The following NRBF2 variants were observed in gnomAD, a reference collection of about 807,000 sequenced individuals.
NRBF2 encodes the protein nuclear receptor binding factor 2.
A neutral mutation model predicts 28.5 loss-of-function variants in NRBF2; 12 were observed. The observed-to-expected ratio is 0.42, with a 90% CI of 0.27 to 0.68. The LOEUF (loss-of-function observed/expected upper bound fraction) is 0.68, where lower values mean the gene tolerates loss of function less well. Among genes scored for constraint, NRBF2 ranks in the 30% least tolerant of loss-of-function variants. The pLI is 0.24. For synonymous variants in NRBF2, 102 were observed against 116.5 expected (o/e 0.88, Z 0.80); for missense variants, 274 against 333.5 (o/e 0.82, Z 1.39).
At chr10:63,140,902 T>C (rs1323664337) in intron 1 of NRBF2, among the ~76,000 whole-genome samples, 1 of 152,068 alleles carries the variant, frequency 6.6e-6, no homozygotes, top group Non-Finnish European at 1.5e-5. Flanking sequence ...AGTTTCACTA[T>C]GTTGGCCAGG....
chr10:63,141,427 C>A (rs1302569624), intron 1 of NRBF2, among the ~76,000 whole-genome samples: 1 of 152,168 alleles, frequency 6.6e-6, no homozygotes, highest in Non-Finnish European at 1.5e-5. Context: ...CAGAGCAAAA[C>A]CCTGTCTCAA....
chr10:63,148,985 T>G (rs1004187028), intron 2 of NRBF2, among the ~76,000 whole-genome samples: 2 of 152,244 alleles, frequency 1.3e-5, no homozygotes, highest in Admixed American at 1.3e-4. Context: ...AAAACAAATC[T>G]TAACCTAAGC....
intron 1 of NRBF2, among the ~76,000 whole-genome samples, chr10:63,140,921 A>T (rs1298709170): frequency 6.6e-6 from 1 of 151,804 alleles, no homozygotes; most frequent in African/African-American, 2.4e-5. Context: ...GGCTGGTCTC[A>T]AACTCCTGAC....
intron 2 of NRBF2, among the ~76,000 whole-genome samples, chr10:63,150,864 T>A (rs1841637499): frequency 6.6e-6 from 1 of 152,144 alleles, no homozygotes; most frequent in Admixed American, 6.5e-5. Context: ...GCAACCTAGA[T>A]CCCTTGCTTG....
chr10:63,146,104 G>A, intron 1 of NRBF2, 105 bp from the exon 2 acceptor site: 2 of 833,430 alleles, frequency 2.4e-6, no homozygotes, highest in Middle Eastern at 3.4e-4. Context: ...TTTGATATGT[G>A]GCAACAAAAC....
chr10:63,140,348 G>A (rs1424430398), intron 1 of NRBF2, among the ~76,000 whole-genome samples: 1 of 152,198 alleles, frequency 6.6e-6, no homozygotes, highest in Non-Finnish European at 1.5e-5. Context: ...GATTGCCTAG[G>A]AAGTACACAG....
chr10:63,153,512 C>T lies in NRBF2; in HGVS notation c.158C>T (p.Ala53Val), dbSNP rs1433660879. ...TTTATCTTTCCTTCTATGTAATAGG[C>T]TCATCTTTCACTGGAATTGCAAAGG... Reference protein sequence around the residue: ...EAMKLTQSEQAHLSLELQRDS... With the variant: ...EAMKLTQSEQVHLSLELQRDS... The change falls in exon 4 of 4, where the codon GCT (alanine) becomes GTT (valine). Residue 53 changes from alanine to valine, a missense_variant and splice_region_variant. Ala to Val is a moderately conservative substitution (Grantham distance 64). Transcript: ENST00000277746. 18 of 1,601,072 alleles carry T rather than the reference C, an allele frequency of 1.1e-5. No homozygotes were observed. Among genetic ancestry groups the T allele is most frequent in the Non-Finnish European group, 1.5e-5 (18 of 1,173,816 alleles).
chr10:63,145,300 T>A (rs1841541711), intron 1 of NRBF2, among the ~76,000 whole-genome samples: 1 of 152,028 alleles, frequency 6.6e-6, no homozygotes, highest in African/African-American at 2.4e-5. Flanking sequence ...GGTCTCGATC[T>A]CCTGACCTCA....
chr10:63,145,427 T>G (rs2132687864), intron 1 of NRBF2, among the ~76,000 whole-genome samples: 1 of 152,344 alleles, frequency 6.6e-6, no homozygotes, highest in Non-Finnish European at 1.5e-5. Context: ...CAGGCTGGTC[T>G]TGAACTCCTG....
intron 2 of NRBF2, chr10:63,150,338 T>G (rs1841629206): frequency 1.0e-6 from 1 of 976,298 alleles, no homozygotes; most frequent in African/African-American, 1.8e-5. Context: ...ACAAGGGTTG[T>G]GGGAAGGATG....
In NRBF2 at chr10:63,135,847, A is replaced by C. The variant is rs1441859486; in HGVS notation, c.30+2347A>C. Among the ~76,000 whole-genome samples the C allele has an allele frequency of 1.1e-4, 16 of 152,190 alleles. No individual in the cohort carries two copies. In the East Asian group the frequency reaches 2.5e-3, roughly 24 times the overall value. ...TTTTTAGTAGAGACGGGGTTTCACC[A>C]TGTTGGCCAGGATGGTCTCGATCTC... On this transcript the variant is annotated intron_variant, in intron 1 of 3. Coordinates refer to ENST00000277746, the MANE Select transcript of NRBF2 (RefSeq NM_030759.5).
chr10:63,134,865 G>C (rs897819447), intron 1 of NRBF2, among the ~76,000 whole-genome samples: 1 of 152,244 alleles, frequency 6.6e-6, no homozygotes, highest in African/African-American at 2.4e-5. Context: ...CACTTAAGAC[G>C]AATTGGACTA....
chr10:63,153,509 A>G lies in NRBF2; in HGVS notation c.157-2A>G. The G allele has an allele frequency of 6.3e-7, 1 of 1,598,764 alleles. No homozygotes were observed. The highest frequency in any genetic ancestry group is 8.5e-7 in the Non-Finnish European group (1 of 1,172,112). Reference sequence around the variant, plus strand: ...AATTTTATCTTTCCTTCTATGTAATAGGCTCATCTTTCACTGGAATTGCAA... The same window carrying G: ...AATTTTATCTTTCCTTCTATGTAATGGGCTCATCTTTCACTGGAATTGCAA... On this transcript the variant is annotated splice_acceptor_variant, in intron 3 of 3. Coordinates refer to ENST00000277746, the MANE Select transcript of NRBF2 (RefSeq NM_030759.5). LOFTEE classifies it high-confidence loss of function.
At chr10:63,137,899 G>T (rs1841398958) in intron 1 of NRBF2, among the ~76,000 whole-genome samples, 1 of 152,102 alleles carries the variant, frequency 6.6e-6, no homozygotes. Context: ...AGCAATTATT[G>T]CTAAGTGGTA....
At chr10:63,140,487 G>A (rs1018945091) in intron 1 of NRBF2, among the ~76,000 whole-genome samples, 2 of 151,980 alleles carry the variant, frequency 1.3e-5, no homozygotes, top group Non-Finnish European at 2.9e-5. Flanking sequence ...GCGTAATCAC[G>A]GCTCACCGTA....
At position 63,153,592 on chromosome 10, in the gene NRBF2, C is replaced by T. The variant is rs750553774; in HGVS notation, c.238C>T (p.Arg80Cys). 16 of 1,611,756 alleles carry T rather than the reference C, an allele frequency of 9.9e-6. No individual in the cohort carries two copies. The highest frequency in any genetic ancestry group is 9.9e-5 in the South Asian group (9 of 90,980). The change falls in exon 4 of 4, where the codon CGT becomes TGT. Residue 80 changes from arginine to cysteine, a missense_variant. Physicochemically the swap from Arg to Cys is radical, Grantham distance 180 (BLOSUM62 -3). Coordinates refer to ENST00000277746, the MANE Select transcript of NRBF2 (RefSeq NM_030759.5). ...CCAAGAGAGATGGAAAAGGGCCCAG[C>T]GTGAAGAAAGATTGAAAGCCCAGCA... ...LIQERWKRAQ[R>C]EERLKAQQNT... is the part of the protein sequence containing the mutation.
At chr10:63,140,849 C>T (rs1391959031) in intron 1 of NRBF2, among the ~76,000 whole-genome samples, 8 of 151,932 alleles carry the variant, frequency 5.3e-5, no homozygotes, top group Non-Finnish European at 5.9e-5. Context: ...TACAGGTGGG[C>T]GCCACCATGT....
intron 2 of NRBF2, among the ~76,000 whole-genome samples, chr10:63,147,189 C>G (rs1210902114): frequency 6.6e-6 from 1 of 152,148 alleles, no homozygotes; most frequent in Admixed American, 6.6e-5. Context: ...CATATTCTTT[C>G]TTGACAGAGG....
Position 63,154,782 on chromosome 10 carries a change from A to G in NRBF2, c.*564A>G, listed in dbSNP as rs1204908412. On this transcript the variant is annotated 3_prime_UTR_variant, in exon 4 of 4. Coordinates refer to ENST00000277746, the MANE Select transcript of NRBF2 (RefSeq NM_030759.5). ...TCATAATGATAACCTCAAGACTATC[A>G]GAAGAAATATTTAAATTTCCATTTT... 6.5e-6 allele frequency: 1 copy of G among 152,690 alleles called. No homozygotes were observed. Among genetic ancestry groups the G allele is most frequent in the East Asian group, 1.9e-4 (1 of 5,206 alleles). 9.5% of individuals were successfully genotyped at this position (152,690 alleles called of 1,614,324 possible). A position where few individuals can be genotyped will look rare whatever the true frequency, so the allele number is the denominator to read the frequency against.
Sources: gnomAD v4.1 joint callset for allele counts (sites outside exome capture counted in the v4.1 genomes callset) on GRCh38, gnomAD v4.1.1 for gene constraint, MANE v1.5 for transcripts, NCBI Gene and HGNC (gene_info 2026-07-23, HGNC 2026-07-21) for gene names.